ACADL: variants seen among roughly 807,000 people sequenced by gnomAD.
The protein encoded by ACADL is long-chain specific acyl-CoA dehydrogenase, mitochondrial.
A neutral mutation model predicts 56.9 loss-of-function variants in ACADL; 60 were observed. That is an observed-to-expected ratio of 1.05 (90% CI 0.86 to 1.31). The LOEUF (loss-of-function observed/expected upper bound fraction) is 1.31. Ranked by LOEUF, ACADL falls within the 50% of genes most tolerant of loss-of-function variation. ACADL has a pLI of 0.00. For synonymous variants in ACADL, 158 were observed against 179.7 expected (o/e 0.88, Z 0.97); for missense variants, 484 against 525.5 (o/e 0.92, Z 0.77).
intron 10 of ACADL, among the ~76,000 whole-genome samples, chr2:210,190,951 C>T (rs1559631837): frequency 7.0e-6 from 1 of 143,284 alleles, no homozygotes; most frequent in African/African-American, 2.5e-5. Context: ...CAGTCTCACT[C>T]TGTCGCCCAG....
chr2:210,217,900 C>T (rs961468057), intron 3 of ACADL, 65 bp downstream of exon 3: 26 of 1,567,066 alleles, frequency 1.7e-5, no homozygotes, highest in Non-Finnish European at 2.0e-5. Flanking sequence ...TTTGTTTGGT[C>T]ATTTCAGAAA....
At chr2:210,193,912 C>T (rs968192172) in intron 9 of ACADL, among the ~76,000 whole-genome samples, 18 of 152,082 alleles carry the variant, frequency 1.2e-4, no homozygotes, top group African/African-American at 4.1e-4. Context: ...TAATTTAAAA[C>T]TCAGACCATA....
chr2:210,200,053 A>G (rs1688769257), intron 8 of ACADL, among the ~76,000 whole-genome samples: 1 of 152,052 alleles, frequency 6.6e-6, no homozygotes, highest in Non-Finnish European at 1.5e-5. Context: ...CCTTGGTATA[A>G]GTGTTTTAGT....
chr2:210,193,564 A>G (rs1187643683), intron 9 of ACADL, among the ~76,000 whole-genome samples: 1 of 152,210 alleles, frequency 6.6e-6, no homozygotes, highest in Admixed American at 6.5e-5. Flanking sequence ...TAATATCACA[A>G]TTCTATCATT....
chr2:210,224,321 A>G, intron 1 of ACADL: 1 of 851,092 alleles, frequency 1.2e-6, no homozygotes, highest in Non-Finnish European at 1.4e-6. Flanking sequence ...TCACCTTCTC[A>G]GTGACGTCTT....
At chr2:210,206,097 GT>G (rs1269403191) in intron 5 of ACADL, among the ~76,000 whole-genome samples, 1 of 151,838 alleles carries the variant, frequency 6.6e-6, no homozygotes, top group Non-Finnish European at 1.5e-5. Context: ...AAACCAAATT[GT>G]CTATTATGAT....
At chr2:210,223,803 A>G (rs1689216204) in intron 1 of ACADL, among the ~76,000 whole-genome samples, 1 of 152,222 alleles carries the variant, frequency 6.6e-6, no homozygotes, top group African/African-American at 2.4e-5. Context: ...TTATGTTAAC[A>G]TGTAATGAGC....
chr2:210,192,741 A>G, intron 10 of ACADL, 63 bp downstream of exon 10: 1 of 1,265,296 alleles, frequency 7.9e-7, no homozygotes. Context: ...TGATGTACAA[A>G]GTAAAGAAAT....
chr2:210,214,499 G>GAAAGAAAGAA (rs1553691023), intron 4 of ACADL, among the ~76,000 whole-genome samples: 3 of 150,448 alleles, frequency 2.0e-5, no homozygotes, highest in African/African-American at 5.0e-5. Context: ...AAGAAAGAAA[G>GAAAGAAAGAA]AAAGAAAGAA....
intron 8 of ACADL, among the ~76,000 whole-genome samples, chr2:210,198,920 A>G (rs1688752859): frequency 6.6e-6 from 1 of 152,138 alleles, no homozygotes; most frequent in South Asian, 2.1e-4. Flanking sequence ...TAAAAATCCT[A>G]ATAATTATTG....
Position 210,225,436 on chromosome 2 carries a change from G to A in ACADL, c.-173C>T. The stretch of plus-strand genomic sequence containing the variant: ...GCCCCAACCACGCCACAGGCTGGTC[G>A]CGAGGGAATACGCCCGTCTTGGCTG... On this transcript the variant is annotated 5_prime_UTR_variant, in exon 1 of 11. Transcript: ENST00000233710. The A allele has an allele frequency of 3.1e-6, 2 of 650,190 alleles. No homozygotes were observed. Among genetic ancestry groups the A allele is most frequent in the Non-Finnish European group, 5.1e-6 (2 of 389,824 alleles). 40.3% of individuals were successfully genotyped at this position (650,190 alleles called of 1,614,324 possible).
In ACADL at chr2:210,218,018, A is replaced by G; in HGVS notation, c.318T>C (p.His106=). The G allele has an allele frequency of 1.9e-6, 3 of 1,614,014 alleles. No individual in the cohort carries two copies. The highest frequency in any genetic ancestry group is 2.5e-6 in the Non-Finnish European group (3 of 1,179,984). ...ACAGATCCCCTCCAATTCCACCAAGATGCTCTGCAATATTGACACCAAGCA... is the reference window on the plus strand; with the variant it reads ...ACAGATCCCCTCCAATTCCACCAAGGTGCTCTGCAATATTGACACCAAGCA... The part of the protein sequence containing the change: ...QGLLGVNIAE[H]LGGIGGDLYS... The change falls in exon 3 of 11, where the codon CAT becomes CAC. Residue 106 remains histidine (H), a synonymous_variant. Transcript: ENST00000233710.
intron 8 of ACADL, among the ~76,000 whole-genome samples, chr2:210,198,502 A>G (rs1431776927): frequency 2.0e-5 from 3 of 152,122 alleles, no homozygotes; most frequent in Non-Finnish European, 4.4e-5. Flanking sequence ...GAAATGACTA[A>G]CCAAGAGCTC....
At chr2:210,201,694 A>G (rs1688795189) in intron 8 of ACADL, among the ~76,000 whole-genome samples, 1 of 152,156 alleles carries the variant, frequency 6.6e-6, no homozygotes, top group African/African-American at 2.4e-5. Context: ...GTCAAATCCC[A>G]ACTCCAGGTT....
intron 4 of ACADL, among the ~76,000 whole-genome samples, chr2:210,215,981 C>T (rs1483385131): frequency 6.6e-6 from 1 of 152,104 alleles, no homozygotes. Flanking sequence ...ATTGTATCAA[C>T]TCTTATAAAT....
intron 4 of ACADL, among the ~76,000 whole-genome samples, chr2:210,214,549 A>T (rs1369186214): frequency 1.3e-5 from 2 of 152,080 alleles, no homozygotes; most frequent in African/African-American, 2.4e-5. Flanking sequence ...TATTTTCTCC[A>T]TCTTCATTCT....
chr2:210,224,291 G>A (rs1396581744), intron 1 of ACADL: 11 of 308,652 alleles, frequency 3.6e-5, no homozygotes, highest in Non-Finnish European at 5.1e-5. Context: ...GAAGAGTTAA[G>A]TATGTATCCT....
At chr2:210,201,056 T>C (rs1176527925) in intron 8 of ACADL, among the ~76,000 whole-genome samples, 2 of 152,176 alleles carry the variant, frequency 1.3e-5, no homozygotes, top group Non-Finnish European at 2.9e-5. Context: ...AAGCCTGCCC[T>C]TTCCCAACTG....
chr2:210,208,362 C>T (rs1013763865), intron 5 of ACADL, among the ~76,000 whole-genome samples: 2 of 152,152 alleles, frequency 1.3e-5, no homozygotes, highest in African/African-American at 4.8e-5. Flanking sequence ...AAATCTGAAC[C>T]ATTTCTACAA....
Sources: gnomAD v4.1 joint callset for allele counts (sites outside exome capture counted in the v4.1 genomes callset) on GRCh38, gnomAD v4.1.1 for gene constraint, MANE v1.5 for transcripts, NCBI Gene and HGNC (gene_info 2026-07-23, HGNC 2026-07-21) for gene names.